Variants in RBFOX1 observed in about 807,000 individuals in gnomAD.
RBFOX1 encodes RNA binding fox-1 homolog 1, also known as RNA binding protein fox-1 homolog 1.
Under a neutral mutation model 57.7 loss-of-function variants are expected in RBFOX1, and 8 were observed. That is an observed-to-expected ratio of 0.14 (90% CI 0.08 to 0.25). The LOEUF (loss-of-function observed/expected upper bound fraction) is 0.25, where lower values mean the gene tolerates loss of function less well. Among genes scored for constraint, RBFOX1 ranks in the 10% least tolerant of loss-of-function variants. The pLI, the probability that RBFOX1 is intolerant of heterozygous loss-of-function variation, is 1.00. For missense variants in RBFOX1, 611 were observed against 548.5 expected (o/e 1.11, Z -1.14); for synonymous variants, 326 against 222.4 (o/e 1.47, Z -4.15).
In RBFOX1 at chr16:5,487,193, G is replaced by A. The variant is rs138352843; in HGVS notation, c.258+19939G>A. ...GTTTTTCTTCCTGGGACCCATTATA[G>A]GTGTCACTACATAATTATCTGGCTA... On this transcript the variant is annotated intron_variant, in intron 2 of 2. Coordinates refer to the RBFOX1 transcript ENST00000585867. Among the ~76,000 whole-genome samples, 15 of 152,274 alleles carry A rather than the reference G, an allele frequency of 9.9e-5. No individual in the cohort carries two copies. In the East Asian group the frequency reaches 2.3e-3, roughly 23 times the overall value.
At chr16:5,393,494 G>T (rs1014005639) in intron 1 of RBFOX1, among the ~76,000 whole-genome samples, 1 of 152,138 alleles carries the variant, frequency 6.6e-6, no homozygotes, top group African/African-American at 2.4e-5. Context: ...TAGGGAACTG[G>T]TGACCAGGGA....
intron 3 of RBFOX1, among the ~76,000 whole-genome samples, chr16:6,835,666 A>G (rs938759512): frequency 3.3e-5 from 5 of 150,404 alleles, no homozygotes; most frequent in Admixed American, 6.6e-5. Flanking sequence ...AGGCATGAGA[A>G]TAGCTTGAAC....
At chr16:7,216,925 AAGTC>A (rs1178498844) in intron 4 of RBFOX1, among the ~76,000 whole-genome samples, 2 of 151,774 alleles carry the variant, frequency 1.3e-5, no homozygotes, top group Admixed American at 6.6e-5. Flanking sequence ...CAAGGAAACA[AAGTC>A]AGAGTATTCA....
At chr16:6,381,111 G>T (rs962723940) in intron 2 of RBFOX1, among the ~76,000 whole-genome samples, 1 of 152,170 alleles carries the variant, frequency 6.6e-6, no homozygotes, top group Non-Finnish European at 1.5e-5. Flanking sequence ...AATCAAATGG[G>T]AGACAAAAGA....
At chr16:7,414,615 T>C (rs946657107) in intron 4 of RBFOX1, among the ~76,000 whole-genome samples, 13 of 150,192 alleles carry the variant, frequency 8.7e-5, no homozygotes, top group African/African-American at 2.8e-4. Context: ...TTTTATTTTA[T>C]TTTATTTATT....
chr16:7,667,910 G>C (rs926754613), intron 13 of RBFOX1, among the ~76,000 whole-genome samples: 1 of 152,134 alleles, frequency 6.6e-6, no homozygotes, highest in Non-Finnish European at 1.5e-5. Flanking sequence ...CTGACCTCAA[G>C]TGATCCATCC....
chr16:6,028,057 T>C (rs965767320), intron 1 of RBFOX1, among the ~76,000 whole-genome samples: 1 of 152,208 alleles, frequency 6.6e-6, no homozygotes, highest in Non-Finnish European at 1.5e-5. Flanking sequence ...CCCAGGGGTA[T>C]TGGCTTGGTG....
chr16:5,988,091 G>T (rs938544400), intron 4 of RBFOX1, among the ~76,000 whole-genome samples: 8 of 152,134 alleles, frequency 5.3e-5, no homozygotes, highest in Non-Finnish European at 1.2e-4. Flanking sequence ...CGACATCATG[G>T]CAGAAAATTC....
intron 1 of RBFOX1, among the ~76,000 whole-genome samples, chr16:6,173,097 A>T (rs2096973974): frequency 6.6e-6 from 1 of 152,168 alleles, no homozygotes; most frequent in African/African-American, 2.4e-5. Context: ...GCCCACCTGG[A>T]TAATTAAGAC....
chr16:7,079,780 G>C (rs1439566498), intron 4 of RBFOX1, among the ~76,000 whole-genome samples: 3 of 151,880 alleles, frequency 2.0e-5, no homozygotes, highest in African/African-American at 7.3e-5. Flanking sequence ...GTGTGTGTTT[G>C]TCAAACTGTA....
At chr16:5,915,994 A>C (rs1226534621) in intron 4 of RBFOX1, among the ~76,000 whole-genome samples, 1 of 152,196 alleles carries the variant, frequency 6.6e-6, no homozygotes, top group Non-Finnish European at 1.5e-5. Flanking sequence ...TGGTAGAAGC[A>C]GTCTTATTTC....
intron 2 of RBFOX1, among the ~76,000 whole-genome samples, chr16:6,584,951 C>T (rs1039747143): frequency 6.6e-6 from 1 of 152,156 alleles, no homozygotes; most frequent in Non-Finnish European, 1.5e-5. Flanking sequence ...CTTCCCTTTG[C>T]CTTACTGAAG....
At chr16:6,812,869 C>A (rs140997349) in intron 3 of RBFOX1, among the ~76,000 whole-genome samples, 10 of 152,044 alleles carry the variant, frequency 6.6e-5, no homozygotes, top group African/African-American at 2.4e-4. Flanking sequence ...GGTGGGAAGC[C>A]CCTGAGTCCT....
intron 3 of RBFOX1, among the ~76,000 whole-genome samples, chr16:5,724,074 C>G (rs943991366): frequency 6.6e-6 from 1 of 152,142 alleles, no homozygotes; most frequent in Non-Finnish European, 1.5e-5. Flanking sequence ...GACTGCTCAC[C>G]ACTTGAATGC....
chr16:6,584,343 T>TATC (rs746761547), intron 2 of RBFOX1, among the ~76,000 whole-genome samples: 5 of 41,424 alleles, frequency 1.2e-4, no homozygotes, highest in Non-Finnish European at 2.4e-4. Context: ...TTATTTTCAT[T>TATC]ATTATTATTA....
intron 3 of RBFOX1, among the ~76,000 whole-genome samples, chr16:7,036,134 C>A (rs1043793028): frequency 1.1e-4 from 16 of 151,936 alleles, no homozygotes; most frequent in African/African-American, 3.9e-4. Context: ...GGATGTCCAC[C>A]TTGGGTGCCT....
chr16:6,124,994 G>C (rs909268299), intron 1 of RBFOX1, among the ~76,000 whole-genome samples: 1 of 152,066 alleles, frequency 6.6e-6, no homozygotes, highest in Non-Finnish European at 1.5e-5. Flanking sequence ...TTGAGCCAAC[G>C]CTTTGGAAGC....
chr16:6,083,622 G>A (rs550895356), intron 1 of RBFOX1, among the ~76,000 whole-genome samples: 40 of 152,130 alleles, frequency 2.6e-4, no homozygotes, highest in Non-Finnish European at 4.1e-4. Flanking sequence ...GACCACAGAC[G>A]TGCGCCACCA....
chr16:7,249,152 TG>T (rs2094420890), intron 4 of RBFOX1, among the ~76,000 whole-genome samples: 1 of 152,186 alleles, frequency 6.6e-6, no homozygotes, highest in African/African-American at 2.4e-5. Flanking sequence ...AACAGAAAGC[TG>T]GGGGTTAGGT....
Sources: allele counts gnomAD v4.1 joint callset (sites outside exome capture counted in the v4.1 genomes callset), GRCh38; gene constraint gnomAD v4.1.1; transcripts MANE v1.5; gene names NCBI Gene and HGNC (gene_info 2026-07-23, HGNC 2026-07-21).